The following CTBP2 variants were observed in gnomAD, a reference collection of about 807,000 sequenced individuals.
CTBP2 encodes C-terminal-binding protein 2.
CTBP2 carries 30 observed loss-of-function variants against 80.3 expected under a neutral mutation model. The observed-to-expected ratio is 0.37, with a 90% CI of 0.28 to 0.51. The LOEUF is 0.51. CTBP2 is among the 20% of genes least tolerant of loss of function. CTBP2 has a pLI of 0.93. For missense variants in CTBP2, 1,212 were observed against 1,375.3 expected (o/e 0.88, Z 1.88); for synonymous variants, 594 against 587.4 (o/e 1.01, Z -0.16).
At chr10:125,065,135 T>G (rs55766533) in intron 2 of CTBP2, among the ~76,000 whole-genome samples, 74 of 152,206 alleles carry the variant, frequency 4.9e-4, no homozygotes, top group African/African-American at 4.8e-5. Context: ...CAAACCACTC[T>G]GCACAAAAAC....
chr10:125,146,127 C>T (rs1858729510), intron 1 of CTBP2, among the ~76,000 whole-genome samples: 3 of 152,076 alleles, frequency 2.0e-5, no homozygotes, highest in African/African-American at 4.8e-5. Flanking sequence ...ATATAATCTA[C>T]AAAATCAATT....
In CTBP2 at chr10:125,089,781, T is replaced by C. The variant is rs569407260; in HGVS notation, c.-102+21209A>G. Among the ~76,000 whole-genome samples, 5 of 152,316 alleles carry C rather than the reference T, an allele frequency of 3.3e-5. 1 individual carries two copies. Among genetic ancestry groups the C allele is most frequent in the African/African-American group, 1.2e-4 (5 of 41,574 alleles). Reference sequence around the variant, plus strand: ...AGGGACTTAATAAATGTCTGCTCCATAGCATACACTACTAGTATTTGCCAT... The same window carrying C: ...AGGGACTTAATAAATGTCTGCTCCACAGCATACACTACTAGTATTTGCCAT... On this transcript the variant is annotated intron_variant, in intron 2 of 10. Transcript: ENST00000337195.
intron 2 of CTBP2, among the ~76,000 whole-genome samples, chr10:125,068,522 C>T (rs1844984070): frequency 6.6e-6 from 1 of 152,202 alleles, no homozygotes; most frequent in Non-Finnish European, 1.5e-5. Context: ...ACACAGGCCA[C>T]AGGTTTCAGG....
chr10:125,061,530 T>G (rs1227658504), intron 2 of CTBP2, among the ~76,000 whole-genome samples: 1 of 152,178 alleles, frequency 6.6e-6, no homozygotes, highest in African/African-American at 2.4e-5. Flanking sequence ...ACAGCCAGTT[T>G]GACACCAAAT....
intron 1 of CTBP2, among the ~76,000 whole-genome samples, chr10:125,112,817 G>A (rs763372472): frequency 3.3e-5 from 5 of 152,200 alleles, no homozygotes; most frequent in African/African-American, 4.8e-5. Context: ...AATTAGCAAT[G>A]GGGCTAATCT....
chr10:125,005,051 G>A (rs573448443), intron 1 of CTBP2, among the ~76,000 whole-genome samples: 2 of 152,218 alleles, frequency 1.3e-5, no homozygotes, highest in Non-Finnish European at 2.9e-5. Context: ...CACGCTCGGA[G>A]ACGAGGAAGG....
chr10:125,134,128 T>C (rs1184731656), intron 1 of CTBP2, among the ~76,000 whole-genome samples: 1 of 152,230 alleles, frequency 6.6e-6, no homozygotes, highest in Non-Finnish European at 1.5e-5. Flanking sequence ...CGCTGCATGC[T>C]GTTCTGAAAA....
intron 1 of CTBP2, among the ~76,000 whole-genome samples, chr10:125,011,116 C>A (rs1955844424): frequency 6.6e-6 from 1 of 152,210 alleles, no homozygotes; most frequent in Admixed American, 6.5e-5. Flanking sequence ...CCTCTGAGCA[C>A]CCAGGGGCTG....
At chr10:125,070,101 C>T (rs1001455841) in intron 2 of CTBP2, among the ~76,000 whole-genome samples, 1 of 151,798 alleles carries the variant, frequency 6.6e-6, no homozygotes, top group East Asian at 1.9e-4. Context: ...CCTGTAGTCC[C>T]AGCACTTTGG....
chr10:125,146,668 A>G (rs1693626), intron 1 of CTBP2, among the ~76,000 whole-genome samples: 3,875 of 152,220 alleles, frequency 0.025, 170 homozygotes, highest in African/African-American at 0.087. Flanking sequence ...AAGGTGACAA[A>G]CTAACTGCCG....
chr10:125,075,763 T>C (rs940635030), intron 2 of CTBP2, among the ~76,000 whole-genome samples: 2 of 152,214 alleles, frequency 1.3e-5, no homozygotes, highest in Non-Finnish European at 2.9e-5. Context: ...TGCACCAGAA[T>C]TGCCAAATGC....
intron 2 of CTBP2, among the ~76,000 whole-genome samples, chr10:125,051,613 C>T (rs2135204551): frequency 6.6e-6 from 1 of 151,856 alleles, no homozygotes; most frequent in African/African-American, 2.4e-5. Flanking sequence ...GCACACTAGC[C>T]TGGGCAACAG....
intron 8 of CTBP2, among the ~76,000 whole-genome samples, chr10:124,990,159 C>T (rs1208952670): frequency 1.3e-5 from 2 of 151,950 alleles, no homozygotes; most frequent in Admixed American, 1.3e-4. Context: ...ATTCTCCTGC[C>T]TCAGCCTCCC....
chr10:124,993,962 C>G lies in CTBP2; in HGVS notation c.2424G>C (p.Val808=). 1.2e-6 allele frequency: 2 copies of G among 1,614,174 alleles called. No individual in the cohort carries two copies. The highest frequency in any genetic ancestry group is 1.7e-6 in the Non-Finnish European group (2 of 1,180,032). The change falls in exon 6 of 9, where the codon GTG becomes GTC. Residue 808 remains valine (V), a synonymous_variant. Coordinates refer to ENST00000309035, the MANE Select transcript of CTBP2 (RefSeq NM_022802.3). ...CCACCAGGCCGCCACGGGCTGCGTT[C>G]ACAAGGAATGCTCCCTGCCTCATCT...
At chr10:125,079,400 T>A (rs1846837176) in intron 2 of CTBP2, among the ~76,000 whole-genome samples, 2 of 152,216 alleles carry the variant, frequency 1.3e-5, no homozygotes, top group South Asian at 4.1e-4. Flanking sequence ...GGTCAATTCA[T>A]CTGCCCGGTT....
rs1954743660 is a variant in CTBP2 at position 125,003,027 on chromosome 10, G to A, written c.1911C>T (p.Ala637=). The A allele has an allele frequency of 6.2e-7, 1 of 1,613,912 alleles. No individual in the cohort carries two copies. The highest frequency in any genetic ancestry group is 8.5e-7 in the Non-Finnish European group (1 of 1,180,030). The change falls in exon 3 of 9, where the codon GCC becomes GCT. Residue 637 remains alanine, a synonymous_variant. Transcript: ENST00000309035. ...TGCCTATCCGCACGATCACTCTCAG[G>A]GCCTTGAACTTCTCCAGGTCCTCCC...
intron 2 of CTBP2, among the ~76,000 whole-genome samples, chr10:125,107,520 C>G (rs1283381626): frequency 6.6e-6 from 1 of 152,234 alleles, no homozygotes; most frequent in Non-Finnish European, 1.5e-5. Flanking sequence ...CAGAGTAATT[C>G]AATACTTTCC....
At chr10:125,063,237 G>A (rs113393862) in intron 2 of CTBP2, among the ~76,000 whole-genome samples, 2 of 151,460 alleles carry the variant, frequency 1.3e-5, no homozygotes, top group Admixed American at 6.5e-5. Context: ...GTTACTCTGC[G>A]CACATCTTCA....
At chr10:125,012,772 GT>G (rs1956073379) in intron 1 of CTBP2, among the ~76,000 whole-genome samples, 1 of 152,142 alleles carries the variant, frequency 6.6e-6, no homozygotes. Context: ...TCCAGATGGG[GT>G]TTCACCAAGT....
Sources: gnomAD v4.1 joint callset for allele counts (sites outside exome capture counted in the v4.1 genomes callset) on GRCh38, gnomAD v4.1.1 for gene constraint, MANE v1.5 for transcripts, NCBI Gene and HGNC (gene_info 2026-07-23, HGNC 2026-07-21) for gene names.